The following KCNH7 variants were observed in gnomAD, a reference collection of about 807,000 sequenced individuals.
KCNH7 encodes voltage-gated inwardly rectifying potassium channel KCNH7.
Under a neutral mutation model 120.8 loss-of-function variants are expected in KCNH7, and 49 were observed. That is an observed-to-expected ratio of 0.41 (90% CI 0.32 to 0.51). KCNH7 has a LOEUF of 0.51. Among genes scored for constraint, KCNH7 ranks in the 20% least tolerant of loss-of-function variants. The pLI, the probability that KCNH7 is intolerant of heterozygous loss-of-function variation, is 0.38. For synonymous variants in KCNH7, 547 were observed against 516.1 expected (o/e 1.06, Z -0.81); for missense variants, 1,097 against 1,446.6 (o/e 0.76, Z 3.92).
At chr2:162,830,172 T>C (rs1685425919) in intron 2 of KCNH7, among the ~76,000 whole-genome samples, 1 of 152,178 alleles carries the variant, frequency 6.6e-6, no homozygotes, top group Admixed American at 6.5e-5. Context: ...AGGACGATGA[T>C]GGTTTCTTTC....
At chr2:162,759,874 G>T (rs866070812) in intron 2 of KCNH7, among the ~76,000 whole-genome samples, 35 of 152,044 alleles carry the variant, frequency 2.3e-4, no homozygotes, top group African/African-American at 7.5e-4. Flanking sequence ...TCCACTAATT[G>T]TTCTCAACTT....
chr2:162,659,316 T>C (rs1344102302), intron 2 of KCNH7, among the ~76,000 whole-genome samples: 1 of 152,122 alleles, frequency 6.6e-6, no homozygotes, highest in African/African-American at 2.4e-5. Context: ...TACTGGAATA[T>C]AGTCTACTTG....
chr2:162,727,619 C>A (rs1283000605), intron 2 of KCNH7, among the ~76,000 whole-genome samples: 2 of 152,110 alleles, frequency 1.3e-5, no homozygotes, highest in Non-Finnish European at 2.9e-5. Context: ...CTCCTCTATT[C>A]CCTCAGCAGG....
intron 2 of KCNH7, among the ~76,000 whole-genome samples, chr2:162,763,476 T>C (rs112835360): frequency 3.1e-4 from 47 of 152,246 alleles, no homozygotes; most frequent in African/African-American, 1.1e-3. Context: ...CACAGTGTGC[T>C]TCTTTCTAGT....
rs372640675 is a variant in KCNH7, at chr2:162,718,274, TC to T, written c.307+118262del. ...TTTTTTAACATATCAGGCTGTAACT[TC>T]CAAGTAGTGTTTTCATCTCAAAATC... On this transcript the variant is annotated intron_variant, in intron 2 of 15. Transcript: ENST00000332142. Among the ~76,000 whole-genome samples the T allele has an allele frequency of 1.7e-3, 258 of 152,100 alleles. 2 individuals carry two copies. Among genetic ancestry groups the T allele is most frequent in the African/African-American group, 6.0e-3 (248 of 41,558 alleles).
intron 3 of KCNH7, among the ~76,000 whole-genome samples, chr2:162,529,967 C>T (rs539520579): frequency 6.6e-6 from 1 of 151,996 alleles, no homozygotes; most frequent in East Asian, 2.0e-4. Flanking sequence ...CAAAATAACA[C>T]TTTCTTCTGT....
At chr2:162,576,780 G>C (rs914777853) in intron 2 of KCNH7, among the ~76,000 whole-genome samples, 1 of 152,032 alleles carries the variant, frequency 6.6e-6, no homozygotes, top group African/African-American at 2.4e-5. Context: ...GTGAGGAGAA[G>C]AGAGGTGACA....
intron 2 of KCNH7, among the ~76,000 whole-genome samples, chr2:162,777,525 A>G (rs1403650831): frequency 2.0e-5 from 3 of 152,146 alleles, no homozygotes; most frequent in Non-Finnish European, 4.4e-5. Context: ...GTAAAAGTGT[A>G]AGAGTAAATA....
chr2:162,682,176 TCCCTC>T (rs1685734046), intron 2 of KCNH7, among the ~76,000 whole-genome samples: 1 of 151,616 alleles, frequency 6.6e-6, no homozygotes, highest in Non-Finnish European at 1.5e-5. Context: ...AGACCTCCTT[TCCCTC>T]CAATTCAAAA....
chr2:162,666,441 C>G (rs1163113843), intron 2 of KCNH7, among the ~76,000 whole-genome samples: 1 of 151,250 alleles, frequency 6.6e-6, no homozygotes, highest in African/African-American at 2.4e-5. Flanking sequence ...AAGAACGTGT[C>G]CTTCTATCTT....
In KCNH7 at chr2:162,610,062, C is replaced by T. The variant is rs76617481; in HGVS notation, c.308-72982G>A. ...TCACTAGCACTTTTACATAACACAG[C>T]TGGGTTAAATTGAACCTCAGAATGA... is the stretch of plus-strand genomic sequence containing the variant. On this transcript the variant is annotated intron_variant, in intron 2 of 15. Coordinates refer to ENST00000332142, the MANE Select transcript of KCNH7 (RefSeq NM_033272.4). Among the ~76,000 whole-genome samples the T allele has an allele frequency of 3.9e-5, 6 of 152,172 alleles. No individual in the cohort carries two copies. The East Asian group carries it at 5.8e-4, about 15-fold the overall frequency.
chr2:162,552,841 C>T (rs1450187326), intron 2 of KCNH7, among the ~76,000 whole-genome samples: 2 of 152,144 alleles, frequency 1.3e-5, no homozygotes, highest in Non-Finnish European at 2.9e-5. Flanking sequence ...AAAATGGATT[C>T]TGCCATTAAC....
chr2:162,484,064 A>G (rs760040097), intron 6 of KCNH7, among the ~76,000 whole-genome samples: 1 of 152,168 alleles, frequency 6.6e-6, no homozygotes, highest in African/African-American at 2.4e-5. Flanking sequence ...GACTCTGGAA[A>G]GTTCCCTTAA....
intron 2 of KCNH7, among the ~76,000 whole-genome samples, chr2:162,757,027 G>A (rs1688810227): frequency 6.6e-6 from 1 of 152,134 alleles, no homozygotes; most frequent in Non-Finnish European, 1.5e-5. Flanking sequence ...ATTCCACTGT[G>A]AAATTTACTT....
chr2:162,827,069 G>T (rs1019062933), intron 2 of KCNH7, among the ~76,000 whole-genome samples: 4 of 152,172 alleles, frequency 2.6e-5, no homozygotes, highest in East Asian at 1.9e-4. Context: ...TTTAGGAGGA[G>T]CTCAGGGAAA....
chr2:162,745,284 T>G (rs2060448), intron 2 of KCNH7, among the ~76,000 whole-genome samples: 1 of 152,112 alleles, frequency 6.6e-6, no homozygotes, highest in East Asian at 1.9e-4. Context: ...TTAAGCTTCA[T>G]TTACCTTAAA....
Position 162,657,460 on chromosome 2 carries a change from T to A in KCNH7, c.308-120380A>T, listed in dbSNP as rs562828570. Among the ~76,000 whole-genome samples, 385 of 152,328 alleles carry A rather than the reference T, an allele frequency of 2.5e-3. 3 individuals carry two copies. The highest frequency in any genetic ancestry group is 0.021 in the South Asian group (99 of 4,828). On this transcript the variant is annotated intron_variant, in intron 2 of 15. Coordinates refer to ENST00000332142, the MANE Select transcript of KCNH7 (RefSeq NM_033272.4). ...TTTCACTTAGTAATATGCATTTAAG[T>A]ACCTTCTTAAACCATGTCTTTTCAT...
intron 2 of KCNH7, among the ~76,000 whole-genome samples, chr2:162,816,122 T>C (rs1684909373): frequency 6.6e-6 from 1 of 152,036 alleles, no homozygotes; most frequent in Admixed American, 6.6e-5. Context: ...CCGGTTGTGG[T>C]GGCGCATGCC....
chr2:162,483,530 T>C (rs1417433307), intron 6 of KCNH7, among the ~76,000 whole-genome samples: 1 of 151,640 alleles, frequency 6.6e-6, no homozygotes, highest in Admixed American at 6.7e-5. Context: ...GAGTTCACTG[T>C]ATTCTTTGTT....
Sources: allele counts gnomAD v4.1 joint callset (sites outside exome capture counted in the v4.1 genomes callset), GRCh38; gene constraint gnomAD v4.1.1; transcripts MANE v1.5; gene names NCBI Gene and HGNC (gene_info 2026-07-23, HGNC 2026-07-21).